ANKRD34A: variants seen among roughly 807,000 people sequenced by gnomAD.
ANKRD34A encodes the protein ankyrin repeat domain-containing protein 34A.
ANKRD34A carries 7 observed loss-of-function variants against 27.1 expected under a neutral mutation model. The observed-to-expected ratio is 0.26, with a 90% CI of 0.15 to 0.49. ANKRD34A has a LOEUF of 0.49. ANKRD34A is among the 20% of genes least tolerant of loss of function. The probability of loss-of-function intolerance (pLI) is 0.99; values close to 1 mark genes in which losing one functional copy is unlikely to be tolerated. For synonymous variants in ANKRD34A, 301 were observed against 300.8 expected (o/e 1.00, Z -0.01); for missense variants, 472 against 682.1 (o/e 0.69, Z 3.43).
At position 145,960,749 on chromosome 1, in the gene ANKRD34A, C is replaced by T; in HGVS notation, c.1011G>A (p.Glu337=). Residue 337 remains glutamate, a synonymous_variant, in exon 4 of 4, where the codon GAG becomes GAA. Coordinates refer to ENST00000606888, the MANE Select transcript of ANKRD34A (RefSeq NM_001039888.4). The surrounding 1 kb of genome is among the most constrained non-coding windows in gnomAD (Gnocchi z 5.5). ...GTCCAGGGGTGTCCAGCTCCACTGG[C>T]TCCATGCGGCTCAGTTTCTGCCTCA... ...SGLRQKLSRM[E]PVELDTPGHL... 6.2e-7 allele frequency: 1 copy of T among 1,614,248 alleles called. No individual in the cohort carries two copies. Among genetic ancestry groups the T allele is most frequent in the Non-Finnish European group, 8.5e-7 (1 of 1,180,044 alleles).
chr1:145,962,617 G>T lies in ANKRD34A; in HGVS notation c.-317C>A, dbSNP rs1471983797. 7.7e-6 allele frequency: 1 copy of T among 129,784 alleles called. No homozygotes were observed. The allele number at this position is 129,784 out of a possible 1,614,324, so 8.0% of individuals were successfully genotyped here. On this transcript the variant is annotated 5_prime_UTR_variant, in exon 3 of 4. Transcript: ENST00000606888. ...AGCGCCCCGGGCACAGCGCCGGCTC[G>T]GGAGGAGAGAAGCTTGGCGGGGGGG... is the stretch of plus-strand genomic sequence containing the variant.
In ANKRD34A at chr1:145,961,898, A is replaced by T; in HGVS notation, c.-120-19T>A. On this transcript the variant is annotated intron_variant, in intron 3 of 3. Coordinates refer to ENST00000606888, the MANE Select transcript of ANKRD34A (RefSeq NM_001039888.4). The surrounding 1 kb of genome is among the most constrained non-coding windows in gnomAD (Gnocchi z 9.5). The stretch of plus-strand genomic sequence containing the variant: ...CCGATCCCTGCAAGAGAGACATCTC[A>T]TTGATAGATTCGGCAGGAAAACTGA... The T allele has an allele frequency of 9.8e-7, 1 of 1,024,534 alleles. No homozygotes were observed. The highest frequency in any genetic ancestry group is 1.4e-6 in the Non-Finnish European group (1 of 727,322). 63.5% of individuals were successfully genotyped at this position (1,024,534 alleles called of 1,614,324 possible).
In ANKRD34A at chr1:145,960,314, C is replaced by A; in HGVS notation, c.1446G>T (p.Leu482=). The A allele has an allele frequency of 1.9e-6, 3 of 1,590,978 alleles. No individual in the cohort carries two copies. The highest frequency in any genetic ancestry group is 2.6e-6 in the Non-Finnish European group (3 of 1,166,972). ...HSMQTEQIRL[L]GGFQSLGGPG... ...GCCCACCTAGACTCTGGAAGCCCCC[C>A]AGCAGGCGGATCTGCTCAGTCTGCA... The change falls in exon 4 of 4, where the codon CTG becomes CTT. Residue 482 remains leucine, a synonymous_variant. Transcript: ENST00000606888. This position sits in a 1 kb window ranked among gnomAD's most constrained non-coding sequence, Gnocchi z 5.5.
chr1:145,960,839 G>A lies in ANKRD34A; in HGVS notation c.921C>T (p.Ser307=), dbSNP rs374957683. ...DPPPWAEKVT[S]GGPLSRRNTA... is the part of the protein sequence containing the mutation. ...TGTTTCGGCGAGAGAGAGGACCCCC[G>A]CTAGTCACTTTCTCCGCCCATGGGG... Residue 307 remains serine (S), a synonymous_variant, in exon 4 of 4, where the codon AGC becomes AGT. Coordinates refer to ENST00000606888, the MANE Select transcript of ANKRD34A (RefSeq NM_001039888.4). The surrounding 1 kb of genome is among the most constrained non-coding windows in gnomAD (Gnocchi z 5.5). The A allele has an allele frequency of 3.7e-6, 6 of 1,614,188 alleles. No homozygotes were observed. The highest frequency in any genetic ancestry group is 1.1e-5 in the South Asian group (1 of 91,090).
rs1292940378 is a variant in ANKRD34A, at chr1:145,961,811, G to C, written c.-52C>G. ...TGGAGCCGGGACTGAGACCTGCCGA[G>C]GATGACTAGGGGTATGGGGAGGGGG... On this transcript the variant is annotated 5_prime_UTR_variant, in exon 4 of 4. Coordinates refer to ENST00000606888, the MANE Select transcript of ANKRD34A (RefSeq NM_001039888.4). This position sits in a 1 kb window ranked among gnomAD's most constrained non-coding sequence, Gnocchi z 9.5. The C allele has an allele frequency of 5.8e-6, 9 of 1,546,592 alleles. No individual in the cohort carries two copies. The East Asian group carries it at 1.9e-4, about 32-fold the overall frequency.
Position 145,960,322 on chromosome 1 carries a change from G to C in ANKRD34A, c.1438C>G (p.Arg480Gly). The change falls in exon 4 of 4, where the codon CGC (arginine) becomes GGC (glycine). Residue 480 changes from arginine (R) to glycine (G), a missense_variant. Around this residue, in one of 4 missense-constraint regions of ANKRD34A, gnomAD observed 53 missense variants for 70.3 expected, o/e 0.75. Transcript: ENST00000606888. The surrounding 1 kb of genome is among the most constrained non-coding windows in gnomAD (Gnocchi z 5.5). ...RRHSMQTEQI[R>G]LLGGFQSLGG... ...AGACTCTGGAAGCCCCCCAGCAGGCGGATCTGCTCAGTCTGCATGGAGTGG... is the reference window on the plus strand; with the variant it reads ...AGACTCTGGAAGCCCCCCAGCAGGCCGATCTGCTCAGTCTGCATGGAGTGG... 2 of 1,596,980 alleles carry C rather than the reference G, an allele frequency of 1.3e-6. No individual in the cohort carries two copies. The highest frequency in any genetic ancestry group is 1.3e-5 in the African/African-American group (1 of 74,372).
rs1383674893 is a variant in ANKRD34A at position 145,964,542 on chromosome 1, T to C, written c.-1255A>G. The C allele has an allele frequency of 1.3e-5, 2 of 152,240 alleles. No homozygotes were observed. Among genetic ancestry groups the C allele is most frequent in the South Asian group, 2.1e-4 (1 of 4,826 alleles). The allele number at this position is 152,240 out of a possible 1,614,324, so 9.4% of individuals were successfully genotyped here. ...TGATTCTGCAACGCCCATCTCTCTCTGCGACCCGCTTCGCAAGCTTCGGTT... is the reference window on the plus strand; with the variant it reads ...TGATTCTGCAACGCCCATCTCTCTCCGCGACCCGCTTCGCAAGCTTCGGTT... On this transcript the variant is annotated 5_prime_UTR_variant, in exon 1 of 4. Transcript: ENST00000606888.
Position 145,960,202 on chromosome 1 carries a change from G to A in ANKRD34A, c.*67C>T, listed in dbSNP as rs1570980323. ...ATCCCTTTGTTCGTGGTGTGTGTGT[G>A]AGCTGGTTCTCCCACCTATCCCATT... On this transcript the variant is annotated 3_prime_UTR_variant, in exon 4 of 4. Transcript: ENST00000606888. This position sits in a 1 kb window ranked among gnomAD's most constrained non-coding sequence, Gnocchi z 5.5. 3 of 1,439,398 alleles carry A rather than the reference G, an allele frequency of 2.1e-6. No individual in the cohort carries two copies. Among genetic ancestry groups the A allele is most frequent in the East Asian group, 5.1e-5 (2 of 39,452 alleles). 89.2% of individuals were successfully genotyped at this position (1,439,398 alleles called of 1,614,324 possible).
intron 1 of ANKRD34A, among the ~76,000 whole-genome samples, chr1:145,963,978 T>G (rs1246277374): frequency 6.6e-6 from 1 of 152,210 alleles, no homozygotes; most frequent in Non-Finnish European, 1.5e-5. Context: ...GACTAACTCC[T>G]AGATTTCATC....
At position 145,961,379 on chromosome 1, in the gene ANKRD34A, A is replaced by G. The variant is rs782352743; in HGVS notation, c.381T>C (p.Leu127=). ...HALDRGDRET[L]ATLLDACKAK... Reference sequence around the variant, plus strand: ...CCTTGCAGGCGTCCAGCAGTGTGGCAAGGGTCTCGCGGTCCCCGCGGTCCA... The same window carrying G: ...CCTTGCAGGCGTCCAGCAGTGTGGCGAGGGTCTCGCGGTCCCCGCGGTCCA... Residue 127 remains leucine, a synonymous_variant, in exon 4 of 4, where the codon CTT becomes CTC. Transcript: ENST00000606888. The surrounding 1 kb of genome is among the most constrained non-coding windows in gnomAD (Gnocchi z 9.5). The G allele has an allele frequency of 2.5e-6, 4 of 1,613,692 alleles. No homozygotes were observed. Among genetic ancestry groups the G allele is most frequent in the African/African-American group, 2.7e-5 (2 of 74,924 alleles).
At position 145,960,575 on chromosome 1, in the gene ANKRD34A, G is replaced by C; in HGVS notation, c.1185C>G (p.Ser395Arg). Reference sequence around the variant, plus strand: ...GCAGCCCCGGACTCCGCCTCCTTCCGCTTAGCGGAGATACTGCCCCTGGCA... The same window carrying C: ...GCAGCCCCGGACTCCGCCTCCTTCCCCTTAGCGGAGATACTGCCCCTGGCA... ...ESLPGAVSPL[S>R]GRRRSPGLLE... Residue 395 changes from serine to arginine, a missense_variant, in exon 4 of 4, where the codon AGC (serine) becomes AGG (arginine). Around this residue, in one of 4 missense-constraint regions of ANKRD34A, gnomAD observed 295 missense variants for 335.0 expected, o/e 0.88. Transcript: ENST00000606888. The surrounding 1 kb of genome is among the most constrained non-coding windows in gnomAD (Gnocchi z 5.5). 1 of 1,583,854 alleles carries C rather than the reference G, an allele frequency of 6.3e-7. No homozygotes were observed. Among genetic ancestry groups the C allele is most frequent in the Non-Finnish European group, 8.6e-7 (1 of 1,163,952 alleles).
rs1649745926 is a variant in ANKRD34A at position 145,961,286 on chromosome 1, C to T, written c.474G>A (p.Gln158=). Reference sequence around the variant, plus strand: ...CTGGGGATGGTGGAGAATTGAGATACTGCCGGGTCTTCTTGGTGCCTGAGG... The same window carrying T: ...CTGGGGATGGTGGAGAATTGAGATATTGCCGGGTCTTCTTGGTGCCTGAGG... ...TSPSGTKKTR[Q]YLNSPPSPGV... The change falls in exon 4 of 4, where the codon CAG becomes CAA. Residue 158 remains glutamine, a synonymous_variant. Coordinates refer to ENST00000606888, the MANE Select transcript of ANKRD34A (RefSeq NM_001039888.4). This position sits in a 1 kb window ranked among gnomAD's most constrained non-coding sequence, Gnocchi z 9.5. 1 of 1,614,102 alleles carries T rather than the reference C, an allele frequency of 6.2e-7. No individual in the cohort carries two copies. Among genetic ancestry groups the T allele is most frequent in the Non-Finnish European group, 8.5e-7 (1 of 1,180,020 alleles).
Position 145,961,847 on chromosome 1 carries a change from A to T in ANKRD34A, c.-88T>A. 2 of 1,427,048 alleles carry T rather than the reference A, an allele frequency of 1.4e-6. 1 individual carries two copies. The highest frequency in any genetic ancestry group is 2.7e-5 in the South Asian group (2 of 72,864). The allele number at this position is 1,427,048 out of a possible 1,614,324, so 88.4% of individuals were successfully genotyped here. ...GGTATGGGGAGGGGGAGTGGCTGGC[A>T]GAGGCCTGAGGTCTCAGTGACGAAG... is the stretch of plus-strand genomic sequence containing the variant. On this transcript the variant is annotated 5_prime_UTR_variant, in exon 4 of 4. Transcript: ENST00000606888. This position sits in a 1 kb window ranked among gnomAD's most constrained non-coding sequence, Gnocchi z 9.5.
In ANKRD34A at chr1:145,961,098, G is replaced by A; in HGVS notation, c.662C>T (p.Pro221Leu). ...CTCGGAAGGGGATGGGTCATCGGGG[G>A]GCTTAGGAAGAGGGAATTCAAATAC... is the stretch of plus-strand genomic sequence containing the variant. ...RDVFEFPLPK[P>L]PDDPSPSEPL... The change falls in exon 4 of 4, where the codon CCC (proline) becomes CTC (leucine). Residue 221 changes from proline to leucine, a missense_variant. Physicochemically the swap from Pro to Leu is moderately conservative, Grantham distance 98. Coordinates refer to ENST00000606888, the MANE Select transcript of ANKRD34A (RefSeq NM_001039888.4). This position sits in a 1 kb window ranked among gnomAD's most constrained non-coding sequence, Gnocchi z 9.5. The A allele has an allele frequency of 1.2e-6, 2 of 1,613,834 alleles. No homozygotes were observed. Among genetic ancestry groups the A allele is most frequent in the Non-Finnish European group, 1.7e-6 (2 of 1,179,824 alleles).
rs782545703 is a variant in ANKRD34A at position 145,961,615 on chromosome 1, G to A, written c.145C>T (p.Arg49Cys). Residue 49 changes from arginine to cysteine, a missense_variant, in exon 4 of 4, where the codon CGC becomes TGC. Transcript: ENST00000606888. The surrounding 1 kb of genome is among the most constrained non-coding windows in gnomAD (Gnocchi z 9.5). ...ETALMAACRA[R>C]YDDPQNKARM... ...GCCTTGTTCTGGGGGTCGTCGTAGCGGGCCCGACAGGCTGCCATTAGCGCA... is the reference window on the plus strand; with the variant it reads ...GCCTTGTTCTGGGGGTCGTCGTAGCAGGCCCGACAGGCTGCCATTAGCGCA... The A allele has an allele frequency of 1.2e-6, 2 of 1,611,998 alleles. No homozygotes were observed. The highest frequency in any genetic ancestry group is 1.1e-5 in the South Asian group (1 of 90,860).
Position 145,960,078 on chromosome 1 carries a change from T to TA in ANKRD34A, c.*190dup, listed in dbSNP as rs1346209766. Reference sequence around the variant, plus strand: ...TACATGTGTGTATATACCCAGTAAATAGAGTACTTATTCTTTCTTGCTAAT... The same window carrying TA: ...TACATGTGTGTATATACCCAGTAAATAAGAGTACTTATTCTTTCTTGCTAAT... On this transcript the variant is annotated 3_prime_UTR_variant, in exon 4 of 4. Coordinates refer to ENST00000606888, the MANE Select transcript of ANKRD34A (RefSeq NM_001039888.4). This position sits in a 1 kb window ranked among gnomAD's most constrained non-coding sequence, Gnocchi z 5.5. The TA allele has an allele frequency of 1.6e-6, 1 of 606,990 alleles. No individual in the cohort carries two copies. The highest frequency in any genetic ancestry group is 1.9e-5 in the African/African-American group (1 of 51,630). 37.6% of individuals were successfully genotyped at this position (606,990 alleles called of 1,614,324 possible).
In ANKRD34A at chr1:145,960,253, G is replaced by GCTCCTCTCA; in HGVS notation, c.*7_*15dup. 6.6e-7 allele frequency: 1 copy of GCTCCTCTCA among 1,504,314 alleles called. No individual in the cohort carries two copies. The highest frequency in any genetic ancestry group is 2.3e-5 in the East Asian group (1 of 43,068). The allele number at this position is 1,504,314 out of a possible 1,614,324, so 93.2% of individuals were successfully genotyped here. A position where few individuals can be genotyped will look rare whatever the true frequency, so the allele number is the denominator to read the frequency against. On this transcript the variant is annotated 3_prime_UTR_variant, in exon 4 of 4. Coordinates refer to ENST00000606888, the MANE Select transcript of ANKRD34A (RefSeq NM_001039888.4). This position sits in a 1 kb window ranked among gnomAD's most constrained non-coding sequence, Gnocchi z 5.5. ...AAGGTCCTAATCCCCACCCTCCTTGGCTCCTCTCACTCCTCTCAGCGCCCT... is the reference window on the plus strand; with the variant it reads ...AAGGTCCTAATCCCCACCCTCCTTGGCTCCTCTCACTCCTCTCACTCCTCTCAGCGCCCT...
Position 145,960,058 on chromosome 1 carries a change from G to C in ANKRD34A, c.*211C>G. ...TGAAATGACCAGGGCATGAATACAT[G>C]TGTGTATATACCCAGTAAATAGAGT... On this transcript the variant is annotated 3_prime_UTR_variant, in exon 4 of 4. Coordinates refer to ENST00000606888, the MANE Select transcript of ANKRD34A (RefSeq NM_001039888.4). This position sits in a 1 kb window ranked among gnomAD's most constrained non-coding sequence, Gnocchi z 5.5. 1 of 501,086 alleles carries C rather than the reference G, an allele frequency of 2.0e-6. No individual in the cohort carries two copies. Among genetic ancestry groups the C allele is most frequent in the Non-Finnish European group, 3.4e-6 (1 of 293,278 alleles). The allele number at this position is 501,086 out of a possible 1,614,324, so 31.0% of individuals were successfully genotyped here. A position where few individuals can be genotyped will look rare whatever the true frequency, so the allele number is the denominator to read the frequency against.
In ANKRD34A at chr1:145,960,424, G is replaced by A. The variant is rs1157991969; in HGVS notation, c.1336C>T (p.Arg446Trp). 2.8e-6 allele frequency: 4 copies of A among 1,445,942 alleles called. No individual in the cohort carries two copies. The East Asian group carries it at 9.3e-5, about 33-fold the overall frequency. The allele number at this position is 1,445,942 out of a possible 1,614,324, so 89.6% of individuals were successfully genotyped here. A position where few individuals can be genotyped will look rare whatever the true frequency, so the allele number is the denominator to read the frequency against. ...IPDIRPQPGG[R>W]APSLPAPPYA... ...GGAGGGGCAGGCAACGAAGGCGCCC[G>A]ACCTCCGGGTTGTGGGCGAATGTCA... The change falls in exon 4 of 4, where the codon CGG (arginine) becomes TGG (tryptophan). Residue 446 changes from arginine to tryptophan, a missense_variant. Arg to Trp is a moderately radical substitution (Grantham distance 101). Transcript: ENST00000606888. This position sits in a 1 kb window ranked among gnomAD's most constrained non-coding sequence, Gnocchi z 5.5.
Sources: gnomAD v4.1 joint callset for allele counts (sites outside exome capture counted in the v4.1 genomes callset) on GRCh38, gnomAD v4.1.1 for gene constraint, gnomAD v4.1.1 regional missense constraint, Gnocchi (gnomAD v3.1) non-coding constraint, MANE v1.5 for transcripts, NCBI Gene and HGNC (gene_info 2026-07-23, HGNC 2026-07-21) for gene names.